The following NANOGNB variants were observed in gnomAD, a reference collection of about 807,000 sequenced individuals.
The protein encoded by NANOGNB is NANOG neighbor homeobox, also known as homeobox C14.
A neutral mutation model predicts 25.0 loss-of-function variants in NANOGNB; 30 were observed. The observed-to-expected ratio is 1.20, with a 90% confidence interval of 0.90 to 1.63. NANOGNB has a LOEUF of 1.63. Ranked by LOEUF, NANOGNB falls within the 40% of genes most tolerant of loss-of-function variation. The probability of loss-of-function intolerance (pLI) is 0.00; values close to 1 mark genes in which losing one functional copy is unlikely to be tolerated. For synonymous variants in NANOGNB, 84 were observed against 62.1 expected, an observed-to-expected ratio of 1.35 and a Z score of -1.66; for missense variants, 200 against 188.1, an observed-to-expected ratio of 1.06 and a Z score of -0.37.
chr12:7,773,546 CAAAAAAA>C (rs869038102), intron 3 of NANOGNB, among the ~76,000 whole-genome samples: 2 of 15,442 alleles, frequency 1.3e-4, no homozygotes, highest in Non-Finnish European at 1.9e-4. Flanking sequence ...ACTAAAAATA[CAAAAAAA>C]AAAAAAAAAA....
chr12:7,773,780 T>TC lies in NANOGNB; in HGVS notation c.516-20_516-19insC, dbSNP rs1341506016. 18 of 638,992 alleles carry TC rather than the reference T, an allele frequency of 2.8e-5. No individual in the cohort carries two copies. In the East Asian group the frequency reaches 5.2e-4, roughly 18 times the overall value. The allele number at this position is 638,992 out of a possible 1,614,324, so 39.6% of individuals were successfully genotyped here. ...AGACTGTGTTGCGAAACTCTTTTTT[T>TC]TTTTTTTTTTTTTAAACAGATGGAG... On this transcript the variant is annotated intron_variant, in intron 3 of 3. Transcript: ENST00000382119.
rs774477338 is a variant in NANOGNB, at chr12:7,770,512, A to G, written c.509A>G (p.His170Arg). The G allele has an allele frequency of 6.1e-6, 9 of 1,467,176 alleles. No individual in the cohort carries two copies. The South Asian group carries it at 8.7e-5, about 14-fold the overall frequency. The allele number at this position is 1,467,176 out of a possible 1,614,324, so 90.9% of individuals were successfully genotyped here. ...TCCAAGAGAAAGCATAAGAAAAAAC[A>G]TATGAGGTAAGAAAGTGTTTCTTGT... is the stretch of plus-strand genomic sequence containing the variant. The part of the protein sequence containing the change: ...EMSKRKHKKK[H>R]MRWRSLCCQG... Residue 170 changes from histidine to arginine, a missense_variant, in exon 3 of 4, where the codon CAT (histidine) becomes CGT (arginine). Physicochemically the swap from His to Arg is conservative, Grantham distance 29. Transcript: ENST00000382119.
intron 3 of NANOGNB, among the ~76,000 whole-genome samples, chr12:7,772,349 C>T (rs1862579392): frequency 6.6e-6 from 1 of 152,058 alleles, no homozygotes; most frequent in Non-Finnish European, 1.5e-5. Flanking sequence ...ACAATCTCGG[C>T]TCACTGCAAG....
chr12:7,765,920 A>G (rs1865241182), intron 1 of NANOGNB, among the ~76,000 whole-genome samples: 1 of 152,138 alleles, frequency 6.6e-6, no homozygotes, highest in Non-Finnish European at 1.5e-5. Context: ...ATTAAAAACC[A>G]TGAGATTAGA....
chr12:7,769,542 C>T (rs375506438), intron 1 of NANOGNB, among the ~76,000 whole-genome samples: 1 of 152,078 alleles, frequency 6.6e-6, no homozygotes, highest in East Asian at 1.9e-4. Context: ...AGGCTTGTCT[C>T]GATCTCCTGA....
chr12:7,773,251 C>T (rs1316734648), intron 3 of NANOGNB, among the ~76,000 whole-genome samples: 1 of 151,466 alleles, frequency 6.6e-6, no homozygotes, highest in Non-Finnish European at 1.5e-5. Flanking sequence ...CTTACCATGC[C>T]CAGCTGGTGT....
In NANOGNB at chr12:7,773,841, C is replaced by A; in HGVS notation, c.557C>A (p.Ala186Asp). The A allele has an allele frequency of 1.6e-6, 1 of 638,290 alleles. No individual in the cohort carries two copies. Among genetic ancestry groups the A allele is most frequent in the South Asian group, 1.7e-5 (1 of 57,860 alleles). 39.5% of individuals were successfully genotyped at this position (638,290 alleles called of 1,614,324 possible). ...TGCCAAGGCTGGTCTCGAACTCCTG[C>A]CCTCAAGTGATCTTCCTATTTTGGC... The part of the protein sequence containing the change: ...LCCQGWSRTP[A>D]LK The change falls in exon 4 of 4, where the codon GCC (alanine) becomes GAC (aspartate). Residue 186 changes from alanine to aspartate, a missense_variant. Coordinates refer to ENST00000382119, the MANE Select transcript of NANOGNB (RefSeq NM_001145465.1).
At chr12:7,772,860 G>A (rs910431625) in intron 3 of NANOGNB, among the ~76,000 whole-genome samples, 1 of 152,036 alleles carries the variant, frequency 6.6e-6, no homozygotes, top group Non-Finnish European at 1.5e-5. Flanking sequence ...TTACAGGCAT[G>A]AGCCACTGCA....
intron 1 of NANOGNB, among the ~76,000 whole-genome samples, chr12:7,767,490 C>A (rs764389374): frequency 6.6e-6 from 1 of 151,512 alleles, no homozygotes; most frequent in East Asian, 2.0e-4. Context: ...CTGAAGCTGA[C>A]GATTTCGAGA....
Position 7,770,304 on chromosome 12 carries a change from A to G in NANOGNB, c.424A>G (p.Thr142Ala). 1 of 1,531,104 alleles carries G rather than the reference A, an allele frequency of 6.5e-7. No individual in the cohort carries two copies. 94.8% of individuals were successfully genotyped at this position (1,531,104 alleles called of 1,614,324 possible). Residue 142 changes from threonine (T) to alanine (A), a missense_variant, in exon 2 of 4, where the codon ACA (threonine) becomes GCA (alanine). By Grantham distance (58) the Thr-to-Ala change is moderately conservative. Coordinates refer to ENST00000382119, the MANE Select transcript of NANOGNB (RefSeq NM_001145465.1). ...SLSLSFEFDM[T>A]HKQISQWFCK... Reference sequence around the variant, plus strand: ...ATCACTGTCATTTGAATTTGACATGACACATAAACAGGTATGACAACATTA... The same window carrying G: ...ATCACTGTCATTTGAATTTGACATGGCACATAAACAGGTATGACAACATTA...
chr12:7,770,320 G>C lies in NANOGNB; in HGVS notation c.435+5G>C. The stretch of plus-strand genomic sequence containing the variant: ...TTTGACATGACACATAAACAGGTAT[G>C]ACAACATTAATAGACATTTCTTCAT... On this transcript the variant is annotated splice_donor_5th_base_variant and intron_variant, in intron 2 of 3. Transcript: ENST00000382119. 6.5e-7 allele frequency: 1 copy of C among 1,528,152 alleles called. No homozygotes were observed. Among genetic ancestry groups the C allele is most frequent in the East Asian group, 2.5e-5 (1 of 40,758 alleles). 94.7% of individuals were successfully genotyped at this position (1,528,152 alleles called of 1,614,324 possible).
intron 1 of NANOGNB, among the ~76,000 whole-genome samples, chr12:7,767,960 G>T (rs566374429): frequency 7.2e-5 from 11 of 151,870 alleles, no homozygotes; most frequent in Non-Finnish European, 1.3e-4. Context: ...CAGTCCTCTC[G>T]CCTCGGCCTC....
intron 3 of NANOGNB, among the ~76,000 whole-genome samples, chr12:7,773,421 G>A (rs891186398): frequency 4.0e-5 from 6 of 151,516 alleles, no homozygotes; most frequent in African/African-American, 4.8e-5. Context: ...ATAGACAGCG[G>A]CTGGGTGCGT....
intron 1 of NANOGNB, among the ~76,000 whole-genome samples, chr12:7,766,779 C>T (rs768084673): frequency 6.6e-6 from 1 of 151,584 alleles, no homozygotes; most frequent in Admixed American, 6.6e-5. Flanking sequence ...CCACCCACTT[C>T]GGCCTCCCAA....
intron 1 of NANOGNB, 60 bp from the exon 2 acceptor site, chr12:7,769,923 A>G (rs1020661754): frequency 2.5e-6 from 3 of 1,187,712 alleles, no homozygotes; most frequent in Non-Finnish European, 3.5e-6. Context: ...ATTGTTGACT[A>G]TGCTCTGAAA....
intron 3 of NANOGNB, among the ~76,000 whole-genome samples, chr12:7,770,766 C>A (rs998593174): frequency 1.3e-5 from 2 of 152,160 alleles, no homozygotes; most frequent in African/African-American, 4.8e-5. Flanking sequence ...GCATGCGCCA[C>A]CACGCCCAGC....
intron 3 of NANOGNB, among the ~76,000 whole-genome samples, chr12:7,773,573 A>AAAAAAAAAAAAC (rs1274262642): frequency 2.8e-5 from 4 of 141,918 alleles, no homozygotes; most frequent in African/African-American, 5.2e-5. Context: ...AAAAAAAAAA[A>AAAAAAAAAAAAC]AAAAAAGCCA....
chr12:7,768,023 T>C (rs1167998398), intron 1 of NANOGNB, among the ~76,000 whole-genome samples: 1 of 152,192 alleles, frequency 6.6e-6, no homozygotes, highest in Non-Finnish European at 1.5e-5. Context: ...CCCGCTTAGC[T>C]TGTTTTCAAT....
chr12:7,768,025 G>C (rs1007079611), intron 1 of NANOGNB, among the ~76,000 whole-genome samples: 1 of 151,796 alleles, frequency 6.6e-6, no homozygotes. Context: ...CGCTTAGCTT[G>C]TTTTCAATAT....
Sources: allele counts gnomAD v4.1 joint callset (sites outside exome capture counted in the v4.1 genomes callset), GRCh38; gene constraint gnomAD v4.1.1; transcripts MANE v1.5; gene names NCBI Gene and HGNC (gene_info 2026-07-23, HGNC 2026-07-21).